ANKS1B: variants seen among roughly 807,000 people sequenced by gnomAD.
ANKS1B encodes ankyrin repeat and sterile alpha motif domain containing 1B.
ANKS1B carries 36 observed loss-of-function variants against 148.3 expected under a neutral mutation model. The ratio of observed to expected loss-of-function variants is 0.24; its 90% CI spans 0.19 to 0.32. ANKS1B has a LOEUF of 0.32. Among genes scored for constraint, ANKS1B ranks in the 10% least tolerant of loss-of-function variants. ANKS1B has a pLI of 1.00. For synonymous variants in ANKS1B, 542 were observed against 560.8 expected, an observed-to-expected ratio of 0.97 and a Z score of 0.47; for missense variants, 1,157 against 1,542.6, an observed-to-expected ratio of 0.75 and a Z score of 4.19.
intron 19 of ANKS1B, among the ~76,000 whole-genome samples, chr12:98,822,605 T>C (rs892446555): frequency 6.6e-5 from 10 of 152,230 alleles, no homozygotes; most frequent in African/African-American, 2.4e-4. Flanking sequence ...TATTTTCTAT[T>C]GATATCTTCT....
intron 3 of ANKS1B, among the ~76,000 whole-genome samples, chr12:99,811,111 A>G (rs892575568): frequency 3.9e-5 from 6 of 151,968 alleles, no homozygotes; most frequent in Non-Finnish European, 5.9e-5. Context: ...CAATTAATAA[A>G]ATGTTTTCCT....
intron 17 of ANKS1B, among the ~76,000 whole-genome samples, chr12:98,837,128 G>A (rs865903900): frequency 1.3e-5 from 2 of 151,562 alleles, no homozygotes; most frequent in East Asian, 1.9e-4. Flanking sequence ...TCAGGAGATC[G>A]AGACCATCCT....
intron 10 of ANKS1B, among the ~76,000 whole-genome samples, chr12:99,447,866 A>G (rs1470100986): frequency 6.6e-6 from 1 of 152,078 alleles, no homozygotes; most frequent in Non-Finnish European, 1.5e-5. Context: ...AACAACACTA[A>G]TCATCAGAGA....
intron 17 of ANKS1B, among the ~76,000 whole-genome samples, chr12:98,859,218 C>T (rs2152109580): frequency 6.6e-6 from 1 of 152,206 alleles, no homozygotes; most frequent in East Asian, 1.9e-4. Flanking sequence ...ACTCAAGTTA[C>T]AAAAAATGAC....
intron 12 of ANKS1B, among the ~76,000 whole-genome samples, chr12:99,263,697 T>G (rs1193810493): frequency 6.6e-6 from 1 of 152,102 alleles, no homozygotes; most frequent in Non-Finnish European, 1.5e-5. Flanking sequence ...TGAGTTCTCA[T>G]GAGATATGAC....
At chr12:99,051,075 A>G (rs2099965736) in intron 17 of ANKS1B, among the ~76,000 whole-genome samples, 1 of 152,158 alleles carries the variant, frequency 6.6e-6, no homozygotes, top group Non-Finnish European at 1.5e-5. Flanking sequence ...AAGCCCCGGC[A>G]GTAAAGCCAG....
chr12:98,913,732 A>G (rs2099789991), intron 17 of ANKS1B, among the ~76,000 whole-genome samples: 1 of 152,046 alleles, frequency 6.6e-6, no homozygotes, highest in Non-Finnish European at 1.5e-5. Context: ...GGTTAAAGTG[A>G]TTCTCCTGCC....
At chr12:98,895,307 C>T in intron 17 of ANKS1B, 1 of 985,300 alleles carries the variant, frequency 1.0e-6, no homozygotes, top group Non-Finnish European at 1.2e-6. Context: ...TCTCGCTCCT[C>T]CGCCGCCCCC....
At chr12:99,239,612 T>A (rs981954886) in intron 14 of ANKS1B, among the ~76,000 whole-genome samples, 1 of 151,872 alleles carries the variant, frequency 6.6e-6, no homozygotes, top group East Asian at 1.9e-4. Context: ...AGACACATAA[T>A]CATCAGATTC....
At chr12:99,518,725 A>G (rs535299431) in intron 9 of ANKS1B, among the ~76,000 whole-genome samples, 15 of 151,898 alleles carry the variant, frequency 9.9e-5, no homozygotes, top group Admixed American at 5.2e-4. Flanking sequence ...TCTCAATTTC[A>G]TTTATCTCTG....
In ANKS1B at chr12:99,244,328, G is replaced by A. The variant is rs776619019; in HGVS notation, c.2419+14C>T. The stretch of plus-strand genomic sequence containing the variant: ...CACATTTATTCATTATAATGTAGAG[G>A]AAGGTTGCCTTACTTGTGGTCTCAC... On this transcript the variant is annotated intron_variant, in intron 14 of 26. Transcript: ENST00000683438. 1.3e-6 allele frequency: 2 copies of A among 1,581,918 alleles called. No individual in the cohort carries two copies. Among genetic ancestry groups the A allele is most frequent in the East Asian group, 4.5e-5 (2 of 44,282 alleles).
chr12:99,484,410 G>T (rs138012077), intron 10 of ANKS1B, among the ~76,000 whole-genome samples: 36 of 152,012 alleles, frequency 2.4e-4, no homozygotes, highest in African/African-American at 8.2e-4. Flanking sequence ...TTTCTGGCCT[G>T]TCATATGGTC....
chr12:98,777,282 T>C (rs1416920334), intron 24 of ANKS1B, among the ~76,000 whole-genome samples: 2 of 152,218 alleles, frequency 1.3e-5, no homozygotes, highest in Non-Finnish European at 2.9e-5. Flanking sequence ...TAAAATAGCA[T>C]AGGCCTTGTT....
chr12:99,544,893 T>G (rs2097158838), intron 9 of ANKS1B, among the ~76,000 whole-genome samples: 1 of 152,178 alleles, frequency 6.6e-6, no homozygotes, highest in Non-Finnish European at 1.5e-5. Context: ...TGGCTAAAAG[T>G]GCCTGCTGTT....
intron 17 of ANKS1B, among the ~76,000 whole-genome samples, chr12:98,949,073 C>T (rs2099850141): frequency 6.6e-6 from 1 of 150,638 alleles, no homozygotes; most frequent in Non-Finnish European, 1.5e-5. Flanking sequence ...CTGCCTCAGC[C>T]TCCCAAGTAG....
intron 9 of ANKS1B, among the ~76,000 whole-genome samples, chr12:99,604,026 A>C (rs554738307): frequency 3.3e-5 from 5 of 152,098 alleles, no homozygotes; most frequent in Admixed American, 6.6e-5. Flanking sequence ...TCTTGAAGAC[A>C]CAACACTTTA....
intron 8 of ANKS1B, among the ~76,000 whole-genome samples, chr12:99,657,442 C>T (rs960794853): frequency 3.3e-5 from 5 of 152,030 alleles, no homozygotes; most frequent in African/African-American, 1.2e-4. Flanking sequence ...GTTTCTGTTA[C>T]ACGAGTAAAG....
chr12:99,705,354 C>G (rs2055566921), intron 8 of ANKS1B, among the ~76,000 whole-genome samples: 1 of 151,998 alleles, frequency 6.6e-6, no homozygotes, highest in Admixed American at 6.6e-5. Flanking sequence ...CCTGTGTGCC[C>G]TCTTTCCTTA....
At chr12:99,889,244 G>C (rs1295487040) in intron 1 of ANKS1B, among the ~76,000 whole-genome samples, 1 of 152,044 alleles carries the variant, frequency 6.6e-6, no homozygotes, top group Non-Finnish European at 1.5e-5. Context: ...AGATGGCTGT[G>C]TGACCCTTGT....
Sources: allele counts gnomAD v4.1 joint callset (sites outside exome capture counted in the v4.1 genomes callset), GRCh38; gene constraint gnomAD v4.1.1; transcripts MANE v1.5; gene names NCBI Gene and HGNC (gene_info 2026-07-23, HGNC 2026-07-21).